GOLGA4: variants seen among roughly 807,000 people sequenced by gnomAD.
GOLGA4 encodes golgin A4, also known as golgin subfamily A member 4.
GOLGA4 carries 169 observed loss-of-function variants against 265.9 expected under a neutral mutation model. The observed-to-expected ratio is 0.64, with a 90% CI of 0.56 to 0.72. The LOEUF (loss-of-function observed/expected upper bound fraction) is 0.72, where lower values mean the gene tolerates loss of function less well. Ranked by LOEUF, GOLGA4 falls within the 30% of genes least tolerant of loss-of-function variation. The pLI, the probability that GOLGA4 is intolerant of heterozygous loss-of-function variation, is 0.00. For synonymous variants in GOLGA4, 923 were observed against 855.8 expected (o/e 1.08, Z -1.37); for missense variants, 2,482 against 2,483.4 (o/e 1.00, Z 0.01).
intron 20 of GOLGA4, among the ~76,000 whole-genome samples, chr3:37,342,693 CT>C (rs2097040519): frequency 6.6e-6 from 1 of 152,014 alleles, no homozygotes. Flanking sequence ...TTTGTACATT[CT>C]TTTTCATTTT....
intron 20 of GOLGA4, among the ~76,000 whole-genome samples, chr3:37,343,758 T>C (rs1485301341): frequency 3.3e-5 from 5 of 152,208 alleles, no homozygotes; most frequent in Admixed American, 6.5e-5. Context: ...CAGAGTTAGG[T>C]TTGATTAGAT....
chr3:37,281,178 C>T (rs1295396034), intron 2 of GOLGA4, among the ~76,000 whole-genome samples: 1 of 152,138 alleles, frequency 6.6e-6, no homozygotes, highest in Non-Finnish European at 1.5e-5. Context: ...TTCATTGTGA[C>T]TAAATTAATT....
intron 2 of GOLGA4, among the ~76,000 whole-genome samples, chr3:37,259,819 T>C (rs899345531): frequency 3.3e-5 from 5 of 152,190 alleles, no homozygotes; most frequent in African/African-American, 1.2e-4. Context: ...GGTCTTTTCA[T>C]TGGCGATTAA....
chr3:37,284,326 G>T (rs1234281806), intron 3 of GOLGA4, among the ~76,000 whole-genome samples: 2 of 151,996 alleles, frequency 1.3e-5, no homozygotes, highest in Non-Finnish European at 2.9e-5. Context: ...GTTCAGTGGC[G>T]TGATCTCGGC....
intron 5 of GOLGA4, among the ~76,000 whole-genome samples, chr3:37,293,214 C>T (rs1047750242): frequency 6.6e-5 from 10 of 152,218 alleles, no homozygotes; most frequent in African/African-American, 2.2e-4. Flanking sequence ...TAACCTGCAG[C>T]CCGTGGCCTG....
intron 5 of GOLGA4, among the ~76,000 whole-genome samples, chr3:37,294,433 T>C (rs2150832941): frequency 6.6e-6 from 1 of 151,186 alleles, no homozygotes; most frequent in African/African-American, 2.4e-5. Context: ...TTACCCAGGC[T>C]GGAGTGCAGT....
intron 5 of GOLGA4, among the ~76,000 whole-genome samples, chr3:37,289,998 AATTT>A (rs1578526023): frequency 6.6e-6 from 1 of 152,266 alleles, no homozygotes; most frequent in African/African-American, 2.4e-5. Context: ...ACTTTCTGTT[AATTT>A]ATTAACAAAA....
chr3:37,296,359 A>G (rs1291483623), intron 7 of GOLGA4, 140 bp downstream of exon 7: 2 of 720,050 alleles, frequency 2.8e-6, no homozygotes, highest in Admixed American at 2.9e-5. Flanking sequence ...CAGCCTGGGC[A>G]ACATAGAGAA....
chr3:37,297,825 G>A (rs2096882465), intron 7 of GOLGA4, among the ~76,000 whole-genome samples: 2 of 152,128 alleles, frequency 1.3e-5, no homozygotes, highest in African/African-American at 2.4e-5. Context: ...TCAGGAGTTC[G>A]AGACTAGTCT....
At chr3:37,335,349 C>G (rs1174404786) in intron 17 of GOLGA4, among the ~76,000 whole-genome samples, 183 bp downstream of exon 17, 2 of 152,180 alleles carry the variant, frequency 1.3e-5, no homozygotes, top group Non-Finnish European at 2.9e-5. Flanking sequence ...ATAAAATGTT[C>G]AAGCTCACAC....
chr3:37,362,098 A>G (rs950646124), intron 23 of GOLGA4, among the ~76,000 whole-genome samples: 3 of 152,236 alleles, frequency 2.0e-5, no homozygotes, highest in African/African-American at 4.8e-5. Flanking sequence ...GGGCTTCACT[A>G]TAATTAAAAT....
At chr3:37,251,518 C>T (rs967477574) in intron 2 of GOLGA4, 34 bp downstream of exon 2, 2 of 1,245,858 alleles carry the variant, frequency 1.6e-6, no homozygotes, top group Non-Finnish European at 2.4e-6. Context: ...GTATACCTCT[C>T]AAAAGAAACT....
chr3:37,331,217 T>C (rs2096989102), intron 16 of GOLGA4, among the ~76,000 whole-genome samples: 1 of 152,290 alleles, frequency 6.6e-6, no homozygotes, highest in South Asian at 2.1e-4. Context: ...TATACATACA[T>C]ATAAATTCTT....
At chr3:37,261,004 CAAA>C (rs11348079) in intron 2 of GOLGA4, among the ~76,000 whole-genome samples, 5 of 134,492 alleles carry the variant, frequency 3.7e-5, no homozygotes, top group Admixed American at 7.5e-5. Context: ...CTGTCTCTAC[CAAA>C]AAAAAAAAAA....
rs1391747682 is a variant in GOLGA4 at position 37,315,462 on chromosome 3, C to A, written c.1277C>A (p.Thr426Lys). 3 of 1,613,768 alleles carry A rather than the reference C, an allele frequency of 1.9e-6. No homozygotes were observed. The highest frequency in any genetic ancestry group is 1.7e-5 in the Admixed American group (1 of 59,972). Residue 426 changes from threonine (T) to lysine (K), a missense_variant, in exon 11 of 24, where the codon ACA becomes AAA. By Grantham distance (78) the Thr-to-Lys change is moderately conservative. Around this residue, in one of 3 missense-constraint regions of GOLGA4, gnomAD observed 1,536 missense variants for 1,483.7 expected, o/e 1.04. Coordinates refer to ENST00000361924, the MANE Select transcript of GOLGA4 (RefSeq NM_002078.5). ...AAAGCTTTGAGTACAGCCCAAAAAA[C>A]AGAGGAAGCACGGAGAAAACTGAAG... ...LEKALSTAQK[T>K]EEARRKLKAE...
chr3:37,252,988 C>G (rs2096738166), intron 2 of GOLGA4, among the ~76,000 whole-genome samples: 1 of 152,118 alleles, frequency 6.6e-6, no homozygotes, highest in South Asian at 2.1e-4. Context: ...GTGGCTCATG[C>G]CTGTAATCCC....
At chr3:37,297,947 T>A (rs2096882834) in intron 7 of GOLGA4, among the ~76,000 whole-genome samples, 1 of 151,980 alleles carries the variant, frequency 6.6e-6, no homozygotes, top group South Asian at 2.1e-4. Context: ...GGGAATTGCT[T>A]GAACCAGGGA....
rs764387634 is a variant in GOLGA4, at chr3:37,325,654, T to A, written c.3768T>A (p.Arg1256=). Reference sequence around the variant, plus strand: ...CTAGGATTTCTCATTGTCAGCACCGTACAACTAAAGTTAAGGAGGCACTGT... The same window carrying A: ...CTAGGATTTCTCATTGTCAGCACCGAACAACTAAAGTTAAGGAGGCACTGT... The part of the protein sequence containing the change: ...ILSRISHCQH[R]TTKVKEALLI... The change falls in exon 14 of 24, where the codon CGT becomes CGA. Residue 1256 remains arginine, a synonymous_variant. Coordinates refer to ENST00000361924, the MANE Select transcript of GOLGA4 (RefSeq NM_002078.5). The A allele has an allele frequency of 6.2e-6, 10 of 1,613,796 alleles. No homozygotes were observed. Among genetic ancestry groups the A allele is most frequent in the Non-Finnish European group, 8.5e-6 (10 of 1,179,806 alleles).
chr3:37,257,109 A>G (rs2096750973), intron 2 of GOLGA4, among the ~76,000 whole-genome samples: 1 of 151,912 alleles, frequency 6.6e-6, no homozygotes, highest in African/African-American at 2.4e-5. Flanking sequence ...GCAACCATTA[A>G]TTTGCTTTCT....
Sources: gnomAD v4.1 joint callset for allele counts (sites outside exome capture counted in the v4.1 genomes callset) on GRCh38, gnomAD v4.1.1 for gene constraint, gnomAD v4.1.1 regional missense constraint, MANE v1.5 for transcripts, NCBI Gene and HGNC (gene_info 2026-07-23, HGNC 2026-07-21) for gene names.